The following IGF2R variants were observed in gnomAD, a reference collection of about 807,000 sequenced individuals.
The protein encoded by IGF2R is cation-independent mannose-6-phosphate receptor.
In IGF2R, 91 loss-of-function variants were observed where a neutral mutation model predicts 270.6. That is an observed-to-expected ratio of 0.34 (90% CI 0.28 to 0.40). The LOEUF (loss-of-function observed/expected upper bound fraction) is 0.40, where lower values mean the gene tolerates loss of function less well. IGF2R is among the 10% of genes least tolerant of loss of function. IGF2R has a pLI of 1.00. For synonymous variants in IGF2R, 1,316 were observed against 1,258.9 expected, an observed-to-expected ratio of 1.05 and a Z score of -0.96; for missense variants, 2,805 against 3,188.3, an observed-to-expected ratio of 0.88 and a Z score of 2.90.
chr6:160,045,532 T>C lies in IGF2R; in HGVS notation c.1766-213T>C, dbSNP rs1403671059. Among the ~76,000 whole-genome samples the C allele has an allele frequency of 3.3e-5, 5 of 152,190 alleles. No homozygotes were observed. The East Asian group carries it at 9.6e-4, about 29-fold the overall frequency. On this transcript the variant is annotated intron_variant, in intron 13 of 47. Coordinates refer to ENST00000356956, the MANE Select transcript of IGF2R (RefSeq NM_000876.4). ...TTAAACACGAGCTCTCCATTCCCTC[T>C]CTTCTACTTTTTGTCTCTACGGATT...
intron 3 of IGF2R, chr6:160,010,329 G>A (rs1784313569): frequency 5.7e-6 from 1 of 175,480 alleles, no homozygotes; most frequent in African/African-American, 2.4e-5. Context: ...GAAGCATGAG[G>A]TCACGTTTTC....
chr6:160,039,724 T>C (rs1777903922), intron 10 of IGF2R, among the ~76,000 whole-genome samples: 1 of 152,144 alleles, frequency 6.6e-6, no homozygotes, highest in South Asian at 2.1e-4. Flanking sequence ...AAAAGGAGTG[T>C]TGTGCCCACG....
Position 160,056,480 on chromosome 6 carries a change from C to A in IGF2R, c.2751C>A (p.Asn917Lys), listed in dbSNP as rs951894641. 3.1e-6 allele frequency: 5 copies of A among 1,614,122 alleles called. No homozygotes were observed. The highest frequency in any genetic ancestry group is 4.2e-6 in the Non-Finnish European group (5 of 1,179,958). Reference sequence around the variant, plus strand: ...AGTGTGTGGTCAGTTTCCTGTGGAACACAGAGGCTGCCTGTCCCATTCAGA... The same window carrying A: ...AGTGTGTGGTCAGTTTCCTGTGGAAAACAGAGGCTGCCTGTCCCATTCAGA... ...NWECVVSFLW[N>K]TEAACPIQTT... The change falls in exon 20 of 48, where the codon AAC (asparagine) becomes AAA (lysine). Residue 917 changes from asparagine to lysine, a missense_variant. By Grantham distance (94) the Asn-to-Lys change is moderately conservative (BLOSUM62 0). Transcript: ENST00000356956.
At chr6:160,044,064 C>T (rs8191783) in intron 12 of IGF2R, among the ~76,000 whole-genome samples, 8 of 152,122 alleles carry the variant, frequency 5.3e-5, no homozygotes, top group South Asian at 2.1e-4. Flanking sequence ...AAACAGGTTT[C>T]GTTAATTTCT....
chr6:160,006,672 C>G (rs1402783077), intron 2 of IGF2R: 1 of 152,260 alleles, frequency 6.6e-6, no homozygotes, highest in African/African-American at 2.4e-5. Context: ...CCGCCCCTGC[C>G]CCAAGACTTC....
intron 1 of IGF2R, among the ~76,000 whole-genome samples, chr6:159,976,705 T>C (rs1183967264): frequency 6.6e-6 from 1 of 152,204 alleles, no homozygotes; most frequent in Non-Finnish European, 1.5e-5. Flanking sequence ...AAAAGTTCTA[T>C]CTGTTTCAAC....
chr6:160,016,750 C>G (rs1026397612), intron 4 of IGF2R, among the ~76,000 whole-genome samples: 20 of 152,264 alleles, frequency 1.3e-4, no homozygotes, highest in Admixed American at 9.8e-4. Context: ...AGTCACCACA[C>G]AAAGCCTATC....
intron 44 of IGF2R, chr6:160,095,539 A>G (rs1347965652): frequency 6.6e-6 from 1 of 152,210 alleles, no homozygotes; most frequent in Non-Finnish European, 1.5e-5. Flanking sequence ...TACAAGTCCA[A>G]AGCGTTGACT....
chr6:160,079,620 C>T lies in IGF2R; in HGVS notation c.5519C>T (p.Thr1840Ile). 2 of 1,544,868 alleles carry T rather than the reference C, an allele frequency of 1.3e-6. No individual in the cohort carries two copies. Among genetic ancestry groups the T allele is most frequent in the Non-Finnish European group, 1.7e-6 (2 of 1,146,538 alleles). ...CGCACCTACAGCGTTGGGGTGTGCACCTTTGCAGTCGGGCCAGAACAAGGA... is the reference window on the plus strand; with the variant it reads ...CGCACCTACAGCGTTGGGGTGTGCATCTTTGCAGTCGGGCCAGAACAAGGA... ...DSRTYSVGVC[T>I]FAVGPEQGGC... The change falls in exon 38 of 48, where the codon ACC becomes ATC. Residue 1840 changes from threonine to isoleucine, a missense_variant. This residue lies in a region of IGF2R where 1,851 missense variants were observed against 2,207.2 expected (regional missense o/e 0.84). Coordinates refer to ENST00000356956, the MANE Select transcript of IGF2R (RefSeq NM_000876.4).
At chr6:160,011,585 T>C (rs1784336392) in intron 4 of IGF2R, among the ~76,000 whole-genome samples, 1 of 124,988 alleles carries the variant, frequency 8.0e-6, no homozygotes, top group Admixed American at 9.5e-5. Context: ...ACTCTTAAAA[T>C]CTACTCTCTT....
At chr6:160,006,508 C>G (rs1440062285) in intron 2 of IGF2R, 1 of 152,438 alleles carries the variant, frequency 6.6e-6, no homozygotes, top group African/African-American at 2.4e-5. Flanking sequence ...TGCAGGGCTT[C>G]TGTGTCCTTT....
intron 29 of IGF2R, among the ~76,000 whole-genome samples, chr6:160,068,024 T>C (rs746435922): frequency 5.3e-5 from 8 of 151,782 alleles, no homozygotes; most frequent in Non-Finnish European, 8.8e-5. Context: ...TCCTGAACTA[T>C]TATGTTCAGG....
intron 2 of IGF2R, among the ~76,000 whole-genome samples, chr6:160,001,207 C>G (rs1784124966): frequency 6.6e-6 from 1 of 152,132 alleles, no homozygotes; most frequent in Non-Finnish European, 1.5e-5. Context: ...TGCACTACTG[C>G]CTGAGCTCTG....
At chr6:159,997,541 G>A (rs1237070679) in intron 2 of IGF2R, among the ~76,000 whole-genome samples, 1 of 152,182 alleles carries the variant, frequency 6.6e-6, no homozygotes, top group Non-Finnish European at 1.5e-5. Flanking sequence ...CCCACAGTTC[G>A]GGTACCAGCA....
chr6:160,034,539 GT>G lies in IGF2R; in HGVS notation c.1315+19del. On this transcript the variant is annotated intron_variant, in intron 10 of 47. Transcript: ENST00000356956. ...AAACCGCAGGTAAGTGTGCGCTGGA[GT>G]TCAGCCCCTCCTCTTTGCATTCATG... 6.6e-7 allele frequency: 1 copy of G among 1,503,812 alleles called. No homozygotes were observed. The highest frequency in any genetic ancestry group is 9.3e-7 in the Non-Finnish European group (1 of 1,079,960). The allele number at this position is 1,503,812 out of a possible 1,614,324, so 93.2% of individuals were successfully genotyped here.
chr6:160,011,356 A>T (rs1379236636), intron 4 of IGF2R, among the ~76,000 whole-genome samples: 1 of 152,024 alleles, frequency 6.6e-6, no homozygotes, highest in Non-Finnish European at 1.5e-5. Context: ...TACTGTTACT[A>T]TTACGTCCAC....
In IGF2R at chr6:160,050,637, C is replaced by T. The variant is rs760799042; in HGVS notation, c.2679C>T (p.Cys893=). The change falls in exon 19 of 48, where the codon TGC becomes TGT. Residue 893 remains cysteine, a synonymous_variant. Transcript: ENST00000356956. The surrounding 1 kb of genome is among the most constrained non-coding windows in gnomAD (Gnocchi z 4.0). ...TTYTTRIHLV[C]SRGRLNSHPI... is the part of the protein sequence containing the mutation. Reference sequence around the variant, plus strand: ...ATACCACGAGGATCCATCTCGTCTGCTCCAGGGGCAGGCTGGTAAGGCACT... The same window carrying T: ...ATACCACGAGGATCCATCTCGTCTGTTCCAGGGGCAGGCTGGTAAGGCACT... 5.0e-6 allele frequency: 8 copies of T among 1,604,830 alleles called. No individual in the cohort carries two copies. Among genetic ancestry groups the T allele is most frequent in the African/African-American group, 4.0e-5 (3 of 74,768 alleles).
At chr6:160,037,807 G>A (rs1777860187) in intron 10 of IGF2R, among the ~76,000 whole-genome samples, 1 of 152,122 alleles carries the variant, frequency 6.6e-6, no homozygotes, top group African/African-American at 2.4e-5. Flanking sequence ...GGGGGTGCGG[G>A]CTCTGCTCCA....
chr6:160,063,752 A>G, intron 27 of IGF2R, 122 bp downstream of exon 27: 1 of 712,442 alleles, frequency 1.4e-6, no homozygotes, highest in East Asian at 2.7e-5. Context: ...AAAAAAAAAA[A>G]AAAGCATATT....
Sources: gnomAD v4.1 joint callset for allele counts (sites outside exome capture counted in the v4.1 genomes callset) on GRCh38, gnomAD v4.1.1 for gene constraint, gnomAD v4.1.1 regional missense constraint, Gnocchi (gnomAD v3.1) non-coding constraint, MANE v1.5 for transcripts, NCBI Gene and HGNC (gene_info 2026-07-23, HGNC 2026-07-21) for gene names.